The following OLAH variants were observed in gnomAD, a reference collection of about 807,000 sequenced individuals.
OLAH encodes oleoyl-ACP hydrolase.
Under a neutral mutation model 27.8 loss-of-function variants are expected in OLAH, and 33 were observed. The observed-to-expected ratio is 1.19, with a 90% CI of 0.90 to 1.59. The LOEUF is 1.59. Ranked by LOEUF, OLAH falls within the 40% of genes most tolerant of loss-of-function variation. The pLI is 0.00. For missense variants in OLAH, 359 were observed against 310.8 expected (o/e 1.16, Z -1.17); for synonymous variants, 120 against 102.9 (o/e 1.17, Z -1.01).
At chr10:15,051,546 G>C (rs1282600257) in intron 3 of OLAH, among the ~76,000 whole-genome samples, 2 of 152,096 alleles carry the variant, frequency 1.3e-5, no homozygotes, top group East Asian at 3.9e-4. Context: ...AATTTTTGAA[G>C]ATTTTTCTTT....
In OLAH at chr10:15,061,818, G is replaced by A. The variant is rs770038664; in HGVS notation, c.258G>A (p.Leu86=). Residue 86 remains leucine (L), a synonymous_variant, in exon 4 of 8, where the codon CTG becomes CTA. Transcript: ENST00000378228. ...SQLVDEVVCA[L]QPVIQDKPFA... is the part of the protein sequence containing the mutation. ...TAGTTGATGAAGTTGTTTGTGCTCT[G>A]CAGCCAGTCATCCAGGATAAACCAT... is the stretch of plus-strand genomic sequence containing the variant. 39 of 1,613,792 alleles carry A rather than the reference G, an allele frequency of 2.4e-5. No individual in the cohort carries two copies. Among genetic ancestry groups the A allele is most frequent in the Non-Finnish European group, 3.1e-5 (36 of 1,179,948 alleles).
upstream of OLAH, among the ~76,000 whole-genome samples, chr10:15,043,363 A>G (rs1368325426): frequency 6.6e-6 from 1 of 152,084 alleles, no homozygotes; most frequent in Non-Finnish European, 1.5e-5. Flanking sequence ...AAGGCCAGGT[A>G]TCACTCTTTA....
At chr10:15,034,435 C>T (rs1435876203) in intron 1 of OLAH, among the ~76,000 whole-genome samples, 3 of 152,180 alleles carry the variant, frequency 2.0e-5, no homozygotes, top group African/African-American at 7.2e-5. Context: ...ACCCAGCCGA[C>T]TCTACCCTTT....
intron 7 of OLAH, 98 bp from the exon 8 acceptor site, chr10:15,072,989 C>A (rs759438056): frequency 8.8e-7 from 1 of 1,136,732 alleles, no homozygotes; most frequent in African/African-American, 1.6e-5. Context: ...TGAAAGTAAC[C>A]GTACTTCAGG....
At chr10:15,072,568 T>C (rs1844611617) in intron 7 of OLAH, among the ~76,000 whole-genome samples, 1 of 152,168 alleles carries the variant, frequency 6.6e-6, no homozygotes, top group Admixed American at 6.5e-5. Context: ...AGGAGCACTT[T>C]CTCTTACAGA....
chr10:15,070,133 G>A (rs900258355), intron 6 of OLAH, among the ~76,000 whole-genome samples: 1 of 140,246 alleles, frequency 7.1e-6, no homozygotes, highest in African/African-American at 2.8e-5. Flanking sequence ...AAGTCATGAT[G>A]CTGCAGTTTC....
intron 6 of OLAH, among the ~76,000 whole-genome samples, chr10:15,066,661 G>C (rs908026416): frequency 6.8e-6 from 1 of 147,606 alleles, no homozygotes; most frequent in East Asian, 1.9e-4. Context: ...TTATTTTTGA[G>C]ATGGAGTCTC....
At chr10:15,041,257 C>T (rs1843914236), upstream of OLAH, among the ~76,000 whole-genome samples, 1 of 151,492 alleles carries the variant, frequency 6.6e-6, no homozygotes, top group Admixed American at 6.6e-5. Flanking sequence ...AGGCATTCCA[C>T]ACCTTTTTTT....
intron 1 of OLAH, among the ~76,000 whole-genome samples, chr10:15,045,186 T>C (rs1056968094): frequency 6.6e-6 from 1 of 152,200 alleles, no homozygotes; most frequent in South Asian, 2.1e-4. Flanking sequence ...TTGAGTAAAC[T>C]TGGACAGTGG....
chr10:15,038,306 G>C (rs971614036), intron 1 of OLAH, among the ~76,000 whole-genome samples: 14 of 152,230 alleles, frequency 9.2e-5, no homozygotes, highest in African/African-American at 3.1e-4. Context: ...GGACTTCTGA[G>C]TTAATGCTGA....
At position 15,071,680 on chromosome 10, in the gene OLAH, G is replaced by C. The variant is rs574939121; in HGVS notation, c.573-115G>C. ...TGGTGAAAAATGTTTTACACTGCTAGAGTAGCCAAAGAAAAGAAGTGAACC... is the reference window on the plus strand; with the variant it reads ...TGGTGAAAAATGTTTTACACTGCTACAGTAGCCAAAGAAAAGAAGTGAACC... On this transcript the variant is annotated intron_variant, in intron 6 of 7. Transcript: ENST00000378228. 102 of 1,454,022 alleles carry C rather than the reference G, an allele frequency of 7.0e-5. 1 individual carries two copies. The highest frequency in any genetic ancestry group is 9.1e-5 in the Non-Finnish European group (98 of 1,076,440). 90.1% of individuals were successfully genotyped at this position (1,454,022 alleles called of 1,614,324 possible).
intron 4 of OLAH, 41 bp downstream of exon 4, chr10:15,061,903 T>C (rs1564532720): frequency 6.3e-7 from 1 of 1,589,312 alleles, no homozygotes; most frequent in African/African-American, 1.3e-5. Context: ...GGGAGTTTCT[T>C]CTATCTGAAG....
At chr10:15,059,087 C>A in intron 3 of OLAH, among the ~76,000 whole-genome samples, 1 of 55,658 alleles carries the variant, frequency 1.8e-5, no homozygotes, top group Non-Finnish European at 4.0e-5. Context: ...TCCCTTCCTT[C>A]CCTCCCTCCC....
chr10:15,055,283 G>C (rs1589245194), intron 3 of OLAH, among the ~76,000 whole-genome samples: 1 of 152,166 alleles, frequency 6.6e-6, no homozygotes, highest in East Asian at 1.9e-4. Flanking sequence ...CATTCCACTG[G>C]AGCTAAGGTT....
intron 3 of OLAH, among the ~76,000 whole-genome samples, chr10:15,050,770 T>C (rs994545852): frequency 2.0e-5 from 3 of 151,872 alleles, no homozygotes; most frequent in African/African-American, 7.2e-5. Flanking sequence ...CTCAATCTCC[T>C]GACCTTGTGA....
intron 6 of OLAH, among the ~76,000 whole-genome samples, chr10:15,069,718 T>C (rs1449276705): frequency 6.6e-6 from 1 of 151,928 alleles, no homozygotes; most frequent in Non-Finnish European, 1.5e-5. Flanking sequence ...AATACAAAAA[T>C]AGCTGGATGT....
rs1041751643 is a variant in OLAH, at chr10:15,048,714, G to T, written c.33-921G>T. ...AGGCAATTTCTGAATTAACATTTAT[G>T]TCACTTTAAGTGTGCATATAAAATG... On this transcript the variant is annotated intron_variant, in intron 2 of 7. Transcript: ENST00000378228. Among the ~76,000 whole-genome samples, 63 of 152,146 alleles carry T rather than the reference G, an allele frequency of 4.1e-4. 2 individuals are homozygous for T. Among genetic ancestry groups the T allele is most frequent in the Admixed American group, 3.9e-3 (60 of 15,254 alleles).
upstream of OLAH, among the ~76,000 whole-genome samples, chr10:15,040,203 C>A (rs1273727984): frequency 2.0e-5 from 3 of 152,122 alleles, no homozygotes; most frequent in African/African-American, 4.8e-5. Context: ...TCCCATTACA[C>A]CCTTTCTCTT....
chr10:15,067,290 G>A (rs1438915440), intron 6 of OLAH, among the ~76,000 whole-genome samples: 2 of 152,062 alleles, frequency 1.3e-5, no homozygotes, highest in Non-Finnish European at 2.9e-5. Context: ...TTTAGAGTCC[G>A]CTTAGCAGAC....
Sources: allele counts gnomAD v4.1 joint callset (sites outside exome capture counted in the v4.1 genomes callset), GRCh38; gene constraint gnomAD v4.1.1; transcripts MANE v1.5; gene names NCBI Gene and HGNC (gene_info 2026-07-23, HGNC 2026-07-21).